TPTE2: variants seen among roughly 807,000 people sequenced by gnomAD.
TPTE2 encodes transmembrane phosphoinositide 3-phosphatase and tensin homolog 2.
In TPTE2, 53 loss-of-function variants were observed where a neutral mutation model predicts 78.6. The ratio of observed to expected loss-of-function variants is 0.67; its 90% CI spans 0.54 to 0.85. The LOEUF (loss-of-function observed/expected upper bound fraction) is 0.85. Ranked by LOEUF, TPTE2 falls within the 40% of genes least tolerant of loss-of-function variation. The pLI is 0.00. For synonymous variants in TPTE2, 175 were observed against 206.2 expected (o/e 0.85, Z 1.30); for missense variants, 461 against 623.0 (o/e 0.74, Z 2.77).
chr13:19,435,417 A>G (rs1876999415), intron 15 of TPTE2, among the ~76,000 whole-genome samples: 1 of 152,162 alleles, frequency 6.6e-6, no homozygotes, highest in Admixed American at 6.5e-5. Context: ...TAGGGAAAGC[A>G]AGAGTGGAGA....
intron 10 of TPTE2, among the ~76,000 whole-genome samples, chr13:19,456,483 A>C (rs1459209730): frequency 2.6e-5 from 4 of 152,202 alleles, no homozygotes; most frequent in Admixed American, 1.3e-4. Context: ...ACAAAAGTCA[A>C]TATACAAAAA....
intron 10 of TPTE2, chr13:19,458,624 T>C: frequency 8.3e-6 from 4 of 483,258 alleles, no homozygotes; most frequent in Non-Finnish European, 1.7e-5. Context: ...ACCATGGAGA[T>C]TAGGCCCAGT....
At chr13:19,502,318 C>A (rs1300001121) in intron 1 of TPTE2, among the ~76,000 whole-genome samples, 4 of 150,740 alleles carry the variant, frequency 2.7e-5, no homozygotes, top group South Asian at 4.2e-4. Context: ...AAAGGACTAT[C>A]AATCATGCTG....
the TPTE2 span, among the ~76,000 whole-genome samples, chr13:19,547,823 T>C: frequency 1.3e-5 from 2 of 150,440 alleles, no homozygotes; most frequent in African/African-American, 2.4e-5. Context: ...TGCCATTTAA[T>C]GTGGATTGAG....
intron 4 of TPTE2, among the ~76,000 whole-genome samples, chr13:19,477,492 G>C (rs1239908617): frequency 6.6e-6 from 1 of 152,142 alleles, no homozygotes; most frequent in Non-Finnish European, 1.5e-5. Flanking sequence ...CCCAGGCTTG[G>C]AGAGTTAAGG....
Position 19,446,122 on chromosome 13 carries a change from A to C in TPTE2, c.973+3954T>G, listed in dbSNP as rs1365993276. Among the ~76,000 whole-genome samples, 3 of 152,240 alleles carry C rather than the reference A, an allele frequency of 2.0e-5. No individual in the cohort carries two copies. In the East Asian group the frequency reaches 5.8e-4, roughly 29 times the overall value. ...TTAAAGAATGAACAAGATGATTCAC[A>C]TGTACAACTCAATATCTCAAAGTTG... On this transcript the variant is annotated intron_variant, in intron 13 of 19. Coordinates refer to ENST00000400230, the Ensembl canonical transcript of TPTE2.
At chr13:19,468,358 T>C (rs900341469) in intron 6 of TPTE2, among the ~76,000 whole-genome samples, 1 of 152,130 alleles carries the variant, frequency 6.6e-6, no homozygotes, top group Non-Finnish European at 1.5e-5. Flanking sequence ...TATTGTTTTT[T>C]ATGGCTAAAT....
chr13:19,554,434 A>G, the TPTE2 span, among the ~76,000 whole-genome samples: 1 of 151,646 alleles, frequency 6.6e-6, no homozygotes, highest in African/African-American at 2.4e-5. Flanking sequence ...TGAGGATTGT[A>G]TAGTTTGGTA....
At chr13:19,487,979 T>C (rs1213829741) in intron 3 of TPTE2, among the ~76,000 whole-genome samples, 1 of 152,178 alleles carries the variant, frequency 6.6e-6, no homozygotes. Context: ...GATCTTCTGC[T>C]TACCTTCACC....
chr13:19,461,612 C>A (rs1432122080), intron 10 of TPTE2, among the ~76,000 whole-genome samples: 3 of 152,142 alleles, frequency 2.0e-5, no homozygotes, highest in African/African-American at 7.2e-5. Flanking sequence ...AAGGCCCCAA[C>A]TGTTATTGCA....
At chr13:19,443,397 C>CTTTTTTTTTTTTTTT (rs71092357) in intron 13 of TPTE2, among the ~76,000 whole-genome samples, 2 of 129,910 alleles carry the variant, frequency 1.5e-5, no homozygotes, top group Non-Finnish European at 3.2e-5. Flanking sequence ...TTCTTTCTTT[C>CTTTTTTTTTTTTTTT]TTTTTTTTTT....
chr13:19,461,162 T>C (rs1032807162), intron 10 of TPTE2, among the ~76,000 whole-genome samples: 7 of 152,246 alleles, frequency 4.6e-5, no homozygotes, highest in African/African-American at 1.7e-4. Context: ...GACTCTTGCC[T>C]CTGCCGTCAC....
At chr13:19,442,983 G>A (rs1269852098) in intron 13 of TPTE2, among the ~76,000 whole-genome samples, 2 of 152,010 alleles carry the variant, frequency 1.3e-5, no homozygotes, top group Non-Finnish European at 2.9e-5. Flanking sequence ...AAAAAAATCA[G>A]CATGCATAAA....
At chr13:19,533,491 C>G (rs1369180152) in intron 1 of TPTE2, among the ~76,000 whole-genome samples, 3 of 152,192 alleles carry the variant, frequency 2.0e-5, no homozygotes. Context: ...AAAATACAAA[C>G]ACAGCAAGCT....
intron 4 of TPTE2, among the ~76,000 whole-genome samples, chr13:19,477,236 G>A (rs1228758401): frequency 6.6e-6 from 1 of 151,484 alleles, no homozygotes; most frequent in Non-Finnish European, 1.5e-5. Context: ...GGAGAGAGAG[G>A]AGCAGAAAAG....
chr13:19,494,607 C>T (rs945246484), intron 1 of TPTE2, among the ~76,000 whole-genome samples: 4 of 152,078 alleles, frequency 2.6e-5, no homozygotes, highest in Non-Finnish European at 5.9e-5. Flanking sequence ...CAGGGTTTCA[C>T]GATGTTTGCC....
chr13:19,470,268 G>T (rs1348426754), intron 6 of TPTE2, among the ~76,000 whole-genome samples: 1 of 151,984 alleles, frequency 6.6e-6, no homozygotes, highest in Non-Finnish European at 1.5e-5. Context: ...ATGCATTTTT[G>T]GCATCAACTG....
chr13:19,507,115 C>T (rs1471842110), upstream of TPTE2, among the ~76,000 whole-genome samples: 1 of 152,032 alleles, frequency 6.6e-6, no homozygotes, highest in Non-Finnish European at 1.5e-5. Context: ...GCTGATGACT[C>T]CATTATAGGC....
chr13:19,476,294 G>A (rs1453085070), intron 4 of TPTE2, among the ~76,000 whole-genome samples: 4 of 151,884 alleles, frequency 2.6e-5, no homozygotes, highest in Admixed American at 2.0e-4. Context: ...TGGAGACAAA[G>A]TAGCTGATGA....
Sources: allele counts gnomAD v4.1 joint callset (sites outside exome capture counted in the v4.1 genomes callset), GRCh38; gene constraint gnomAD v4.1.1; transcripts MANE v1.5; gene names NCBI Gene and HGNC (gene_info 2026-07-23, HGNC 2026-07-21).